Variants in KCNQ3 observed in about 807,000 individuals in gnomAD.
KCNQ3 encodes the protein potassium voltage-gated channel subfamily KQT member 3.
A neutral mutation model predicts 92.5 loss-of-function variants in KCNQ3; 30 were observed. The observed-to-expected ratio is 0.32, with a 90% CI of 0.24 to 0.44. The LOEUF (loss-of-function observed/expected upper bound fraction) is 0.44, where lower values mean the gene tolerates loss of function less well. KCNQ3 is among the 20% of genes least tolerant of loss of function. The pLI is 1.00. For missense variants in KCNQ3, 913 were observed against 1,140.3 expected, an observed-to-expected ratio of 0.80 and a Z score of 2.87; for synonymous variants, 450 against 468.8, an observed-to-expected ratio of 0.96 and a Z score of 0.52.
intron 8 of KCNQ3, among the ~76,000 whole-genome samples, chr8:132,164,993 A>G (rs892787731): frequency 6.6e-6 from 1 of 152,158 alleles, no homozygotes; most frequent in African/African-American, 2.4e-5. Flanking sequence ...CCCATACTCC[A>G]CAGACCAGGC....
At chr8:132,184,174 T>C in intron 3 of KCNQ3, 67 bp downstream of exon 3, 1 of 1,606,300 alleles carries the variant, frequency 6.2e-7, no homozygotes, top group Non-Finnish European at 8.5e-7. Context: ...CTTAAACTTT[T>C]CTCAGAGAAA....
chr8:132,134,952 T>C (rs540754546), intron 12 of KCNQ3, among the ~76,000 whole-genome samples: 2 of 152,264 alleles, frequency 1.3e-5, no homozygotes, highest in Admixed American at 1.3e-4. Context: ...TCCATTCCTA[T>C]TTCTATTTCT....
intron 1 of KCNQ3, among the ~76,000 whole-genome samples, chr8:132,249,080 G>A (rs1482061860): frequency 2.0e-5 from 3 of 152,220 alleles, no homozygotes; most frequent in African/African-American, 7.2e-5. Flanking sequence ...CCTCAGGAGT[G>A]AAGCTGCAGA....
intron 1 of KCNQ3, among the ~76,000 whole-genome samples, chr8:132,244,981 G>T (rs1377831932): frequency 6.7e-6 from 1 of 148,514 alleles, no homozygotes; most frequent in South Asian, 2.1e-4. Flanking sequence ...CTGGCTCATT[G>T]GTATATTTTC....
At chr8:132,339,959 A>G (rs535654040) in intron 1 of KCNQ3, among the ~76,000 whole-genome samples, 1 of 143,774 alleles carries the variant, frequency 7.0e-6, no homozygotes, top group Admixed American at 7.0e-5. Flanking sequence ...CAACAAACAT[A>G]AAAAAAAAAA....
intron 1 of KCNQ3, among the ~76,000 whole-genome samples, chr8:132,243,403 G>A (rs898794875): frequency 6.6e-6 from 1 of 152,208 alleles, no homozygotes; most frequent in Admixed American, 6.5e-5. Flanking sequence ...ACTCTCGTTT[G>A]GAAAGCAGAG....
At chr8:132,181,197 G>C (rs185771642) in intron 3 of KCNQ3, among the ~76,000 whole-genome samples, 1 of 152,168 alleles carries the variant, frequency 6.6e-6, no homozygotes, top group Non-Finnish European at 1.5e-5. Flanking sequence ...GCAGGCTCTT[G>C]ACATCAAATC....
intron 1 of KCNQ3, among the ~76,000 whole-genome samples, chr8:132,417,680 AT>A (rs1322386773): frequency 4.1e-5 from 4 of 98,042 alleles, no homozygotes; most frequent in Non-Finnish European, 8.4e-5. Flanking sequence ...CCATCCATCC[AT>A]TCATTCATTC....
Position 132,172,688 on chromosome 8 carries a change from G to A in KCNQ3, c.1050C>T (p.Ile350=). 1 of 1,613,214 alleles carries A rather than the reference G, an allele frequency of 6.2e-7. No individual in the cohort carries two copies. The highest frequency in any genetic ancestry group is 8.5e-7 in the Non-Finnish European group (1 of 1,179,832). Reference sequence around the variant, plus strand: ...CCTTGAGGGCCAGCCCGGACCCCAGGATGCCCTGGAGGGAGAGGCAGGCAG... The same window carrying A: ...CCTTGAGGGCCAGCCCGGACCCCAGAATGCCCTGGAGGGAGAGGCAGGCAG... ...GVSFFALPAG[I]LGSGLALKVQ... is the part of the protein sequence containing the mutation. The change falls in exon 7 of 15, where the codon ATC becomes ATT. Residue 350 remains isoleucine (I), a synonymous_variant. Coordinates refer to ENST00000388996, the MANE Select transcript of KCNQ3 (RefSeq NM_004519.4).
At chr8:132,224,081 ATTTTTT>A (rs1164773143) in intron 1 of KCNQ3, among the ~76,000 whole-genome samples, 547 of 39,436 alleles carry the variant, frequency 0.014, 3 homozygotes, top group African/African-American at 0.043. Flanking sequence ...ATGCCAGGCT[ATTTTTT>A]TTTTTTTTTT....
At chr8:132,230,447 GAC>G (rs1309684917) in intron 1 of KCNQ3, among the ~76,000 whole-genome samples, 1 of 111,094 alleles carries the variant, frequency 9.0e-6, no homozygotes, top group African/African-American at 4.1e-5. Flanking sequence ...GAGAGAGAGA[GAC>G]AGAGAGAGAG....
chr8:132,191,586 T>C (rs900227404), intron 1 of KCNQ3, among the ~76,000 whole-genome samples: 3 of 109,480 alleles, frequency 2.7e-5, no homozygotes, highest in Non-Finnish European at 3.8e-5. Context: ...TCTAGAAAGA[T>C]GGATATGTGT....
chr8:132,239,238 G>A (rs912896030), intron 1 of KCNQ3, among the ~76,000 whole-genome samples: 1 of 152,148 alleles, frequency 6.6e-6, no homozygotes, highest in African/African-American at 2.4e-5. Flanking sequence ...CCTCCCTCCT[G>A]TTTAATTTGA....
At chr8:132,436,422 A>G (rs1018118633) in intron 1 of KCNQ3, among the ~76,000 whole-genome samples, 1 of 152,214 alleles carries the variant, frequency 6.6e-6, no homozygotes, top group African/African-American at 2.4e-5. Flanking sequence ...AGTTCTTTTG[A>G]ATTTTAATGC....
At chr8:132,186,566 A>G (rs1359748576) in intron 1 of KCNQ3, 1 of 341,070 alleles carries the variant, frequency 2.9e-6, no homozygotes, top group Non-Finnish European at 5.7e-6. Flanking sequence ...CTACACACAT[A>G]GGACTGATTT....
At chr8:132,385,710 G>C (rs894682222) in intron 1 of KCNQ3, among the ~76,000 whole-genome samples, 2 of 152,176 alleles carry the variant, frequency 1.3e-5, no homozygotes, top group African/African-American at 2.4e-5. Flanking sequence ...TGGTAGGAGA[G>C]GGGGAAGGGG....
chr8:132,152,405 G>A (rs1042485315), intron 9 of KCNQ3, among the ~76,000 whole-genome samples: 1 of 152,142 alleles, frequency 6.6e-6, no homozygotes, highest in African/African-American at 2.4e-5. Flanking sequence ...AAAATTTGGA[G>A]CATGTTTCTT....
At chr8:132,225,871 A>G (rs10090677) in intron 1 of KCNQ3, among the ~76,000 whole-genome samples, 1,923 of 152,320 alleles carry the variant, frequency 0.013, 18 homozygotes, top group South Asian at 0.048. Context: ...ATTTCTCCTC[A>G]ACTGATATGA....
chr8:132,276,560 A>T (rs139516674), intron 1 of KCNQ3, among the ~76,000 whole-genome samples: 10 of 152,184 alleles, frequency 6.6e-5, no homozygotes, highest in African/African-American at 2.4e-4. Context: ...AATTCCAGGC[A>T]GCGATGGGTA....
Sources: gnomAD v4.1 joint callset for allele counts (sites outside exome capture counted in the v4.1 genomes callset) on GRCh38, gnomAD v4.1.1 for gene constraint, MANE v1.5 for transcripts, NCBI Gene and HGNC (gene_info 2026-07-23, HGNC 2026-07-21) for gene names.